The following SEL1L variants were observed in gnomAD, a reference collection of about 807,000 sequenced individuals.
The protein encoded by SEL1L is SEL1L adaptor subunit of SYVN1 ubiquitin ligase.
Under a neutral mutation model 109.8 loss-of-function variants are expected in SEL1L, and 52 were observed. That is an observed-to-expected ratio of 0.47 (90% CI 0.38 to 0.60). SEL1L has a LOEUF of 0.60. Among genes scored for constraint, SEL1L ranks in the 20% least tolerant of loss-of-function variants. The pLI, the probability that SEL1L is intolerant of heterozygous loss-of-function variation, is 0.00. For missense variants in SEL1L, 749 were observed against 962.2 expected (o/e 0.78, Z 2.93); for synonymous variants, 373 against 339.6 (o/e 1.10, Z -1.08).
In SEL1L at chr14:81,481,749, G is replaced by A. The variant is rs574993995; in HGVS notation, c.2047-2009C>T. 3.9e-5 allele frequency among the ~76,000 whole-genome samples: 6 copies of A among 152,226 alleles called. No individual in the cohort carries two copies. In the South Asian group the frequency reaches 1.2e-3, roughly 32 times the overall value. On this transcript the variant is annotated intron_variant, in intron 19 of 20. Coordinates refer to ENST00000336735, the MANE Select transcript of SEL1L (RefSeq NM_005065.6). ...CACGATGTCTTATAAAAAAAGTAAT[G>A]GGACCGCGTGCAGTGGCTCACGCCT...
At position 81,499,472 on chromosome 14, in the gene SEL1L, G is replaced by A; in HGVS notation, c.878C>T (p.Ala293Val). 3 of 1,611,634 alleles carry A rather than the reference G, an allele frequency of 1.9e-6. No individual in the cohort carries two copies. Among genetic ancestry groups the A allele is most frequent in the Non-Finnish European group, 2.5e-6 (3 of 1,179,248 alleles). The change falls in exon 8 of 21, where the codon GCC becomes GTC. Residue 293 changes from alanine to valine, a missense_variant. By Grantham distance (64) the Ala-to-Val change is moderately conservative. Transcript: ENST00000336735. ...TFGALGGNLI[A>V]HMVLGYRYWA... Reference sequence around the variant, plus strand: ...AAGTCTACTTACCAAAACCATGTGGGCTATTAGATTGCCCCCAAGAGCTCC... The same window carrying A: ...AAGTCTACTTACCAAAACCATGTGGACTATTAGATTGCCCCCAAGAGCTCC...
At chr14:81,527,907 T>C (rs923240053) in intron 1 of SEL1L, among the ~76,000 whole-genome samples, 169 bp from the exon 2 acceptor site, 8 of 151,668 alleles carry the variant, frequency 5.3e-5, no homozygotes, top group African/African-American at 1.9e-4. Context: ...AAAGATCAAG[T>C]GAAAGGAAAA....
At chr14:81,489,230 G>T (rs773576489) in intron 14 of SEL1L, 22 bp downstream of exon 14, 2 of 1,605,560 alleles carry the variant, frequency 1.2e-6, no homozygotes, top group Non-Finnish European at 1.7e-6. Flanking sequence ...ATTAAAGAGA[G>T]AATGTCAGAC....
At chr14:81,518,692 TAGAA>T (rs2140048119) in intron 3 of SEL1L, among the ~76,000 whole-genome samples, 1 of 144,692 alleles carries the variant, frequency 6.9e-6, no homozygotes, top group East Asian at 2.0e-4. Context: ...GTAAAAAGAT[TAGAA>T]AGGTTAAAAC....
rs76836964 is a variant in SEL1L at position 81,505,161 on chromosome 14, C to A, written c.509-855G>T. On this transcript the variant is annotated intron_variant, in intron 4 of 20. Transcript: ENST00000336735. Reference sequence around the variant, plus strand: ...TAGCTCTATTGGAAATACTGTATATCTTTACAAGGTGAAAATATTTGATTA... The same window carrying A: ...TAGCTCTATTGGAAATACTGTATATATTTACAAGGTGAAAATATTTGATTA... Among the ~76,000 whole-genome samples the A allele has an allele frequency of 2.2e-3, 330 of 152,238 alleles. 2 individuals carry two copies. In the Middle Eastern group the frequency reaches 0.037, roughly 17 times the overall value.
At chr14:81,512,662 C>G (rs1011057684) in intron 3 of SEL1L, among the ~76,000 whole-genome samples, 22 of 152,222 alleles carry the variant, frequency 1.4e-4, no homozygotes, top group African/African-American at 5.1e-4. Flanking sequence ...AACTGCCTAT[C>G]TGTGAGTTCT....
chr14:81,486,542 C>A (rs1001365526), intron 16 of SEL1L, 88 bp from the exon 17 acceptor site: 8 of 1,269,518 alleles, frequency 6.3e-6, no homozygotes, highest in South Asian at 1.5e-5. Flanking sequence ...TTACACATGA[C>A]TATTAAGCTT....
At chr14:81,478,806 T>C (rs1903253489) in intron 20 of SEL1L, among the ~76,000 whole-genome samples, 1 of 152,204 alleles carries the variant, frequency 6.6e-6, no homozygotes, top group African/African-American at 2.4e-5. Flanking sequence ...TTTATACCTG[T>C]GACACACATG....
chr14:81,529,664 CCT>C (rs1885251673), intron 1 of SEL1L, among the ~76,000 whole-genome samples: 1 of 152,164 alleles, frequency 6.6e-6, no homozygotes, highest in African/African-American at 2.4e-5. Context: ...TCTTTCTCTC[CCT>C]CTCTCTTCGC....
chr14:81,483,336 T>C (rs1903417492), intron 19 of SEL1L, among the ~76,000 whole-genome samples: 1 of 152,230 alleles, frequency 6.6e-6, no homozygotes, highest in South Asian at 2.1e-4. Context: ...TGATCAACAA[T>C]GCATTAACTG....
rs1172416206 is a variant in SEL1L at position 81,473,137 on chromosome 14, A to G, written c.*3835T>C. ...GGTCTTTTAAAACTTCCTCTTCTAC[A>G]TATTTATAGTGGTTACATCTTGATT... On this transcript the variant is annotated 3_prime_UTR_variant, in exon 21 of 21. Transcript: ENST00000336735. 2.6e-5 allele frequency: 4 copies of G among 152,248 alleles called. No homozygotes were observed. Among genetic ancestry groups the G allele is most frequent in the African/African-American group, 7.2e-5 (3 of 41,430 alleles). 9.4% of individuals were successfully genotyped at this position (152,248 alleles called of 1,614,324 possible).
intron 3 of SEL1L, among the ~76,000 whole-genome samples, chr14:81,517,496 T>C (rs974263739): frequency 9.9e-5 from 15 of 152,188 alleles, no homozygotes; most frequent in South Asian, 2.1e-4. Context: ...CAGTTTTTTT[T>C]CAGCCTGGCT....
chr14:81,522,367 T>C (rs942894188), intron 3 of SEL1L, among the ~76,000 whole-genome samples: 18 of 152,190 alleles, frequency 1.2e-4, no homozygotes, highest in Non-Finnish European at 2.4e-4. Flanking sequence ...GTTCCATTCA[T>C]GGGAAGTGCC....
intron 3 of SEL1L, among the ~76,000 whole-genome samples, chr14:81,519,313 T>A (rs1323026493): frequency 1.3e-5 from 2 of 152,246 alleles, no homozygotes; most frequent in Non-Finnish European, 2.9e-5. Context: ...TCTTCCACTA[T>A]GACAAATTAT....
chr14:81,494,106 G>C (rs1369882076), intron 11 of SEL1L, among the ~76,000 whole-genome samples: 2 of 151,992 alleles, frequency 1.3e-5, no homozygotes, highest in Non-Finnish European at 2.9e-5. Flanking sequence ...GACTACCTCT[G>C]AACACACTAT....
At chr14:81,522,299 T>C (rs76095198) in intron 3 of SEL1L, among the ~76,000 whole-genome samples, 4,160 of 152,288 alleles carry the variant, frequency 0.027, 184 homozygotes, top group African/African-American at 0.095. Flanking sequence ...GCCTTCACAT[T>C]CACTCAGCAC....
intron 1 of SEL1L, 104 bp from the exon 2 acceptor site, chr14:81,527,842 G>A: frequency 1.4e-6 from 1 of 692,798 alleles, no homozygotes; most frequent in Non-Finnish European, 2.4e-6. Context: ...ATCAAACATT[G>A]GATAAATAAA....
In SEL1L at chr14:81,533,592, C is replaced by T. The variant is rs997956835; in HGVS notation, c.70+83G>A. 11 of 1,351,302 alleles carry T rather than the reference C, an allele frequency of 8.1e-6. No individual in the cohort carries two copies. The South Asian group carries it at 1.3e-4, about 17-fold the overall frequency. 83.7% of individuals were successfully genotyped at this position (1,351,302 alleles called of 1,614,324 possible). Reference sequence around the variant, plus strand: ...TGCCCAGGGAGAACGGGGTCCCGAGCCTGGAGTCCCCACGGCCCCGCCGGC... The same window carrying T: ...TGCCCAGGGAGAACGGGGTCCCGAGTCTGGAGTCCCCACGGCCCCGCCGGC... On this transcript the variant is annotated intron_variant, in intron 1 of 20. Coordinates refer to ENST00000336735, the MANE Select transcript of SEL1L (RefSeq NM_005065.6).
intron 11 of SEL1L, among the ~76,000 whole-genome samples, chr14:81,492,845 C>A (rs978180398): frequency 6.6e-6 from 1 of 152,154 alleles, no homozygotes; most frequent in Non-Finnish European, 1.5e-5. Flanking sequence ...ACAGGCAAAG[C>A]GAACATCAGC....
Sources: gnomAD v4.1 joint callset for allele counts (sites outside exome capture counted in the v4.1 genomes callset) on GRCh38, gnomAD v4.1.1 for gene constraint, MANE v1.5 for transcripts, NCBI Gene and HGNC (gene_info 2026-07-23, HGNC 2026-07-21) for gene names.